The following TENM3 variants were observed in gnomAD, a reference collection of about 807,000 sequenced individuals.
The protein encoded by TENM3 is teneurin transmembrane protein 3, also known as teneurin-3.
A neutral mutation model predicts 255.1 loss-of-function variants in TENM3; 63 were observed. The observed-to-expected ratio is 0.25, with a 90% confidence interval of 0.20 to 0.30. The LOEUF (loss-of-function observed/expected upper bound fraction) is 0.30. Among genes scored for constraint, TENM3 ranks in the 10% least tolerant of loss-of-function variants. TENM3 has a pLI of 1.00. For synonymous variants in TENM3, 1,306 were observed against 1,322.3 expected (o/e 0.99, Z 0.27); for missense variants, 2,929 against 3,461.1 (o/e 0.85, Z 3.86).
intron 1 of TENM3, among the ~76,000 whole-genome samples, chr4:182,159,602 C>T (rs1445456964): frequency 6.6e-6 from 1 of 152,096 alleles, no homozygotes; most frequent in Non-Finnish European, 1.5e-5. Context: ...TGGCCTGTCA[C>T]CTAGAATCTT....
At chr4:181,699,698 T>C in the TENM3 span, among the ~76,000 whole-genome samples, 1 of 152,162 alleles carries the variant, frequency 6.6e-6, no homozygotes, top group Non-Finnish European at 1.5e-5. Context: ...TCATCTCATG[T>C]AGATGTGATT....
chr4:182,705,783 A>G (rs1184468256), intron 12 of TENM3, among the ~76,000 whole-genome samples: 10 of 152,086 alleles, frequency 6.6e-5, no homozygotes, highest in African/African-American at 2.4e-4. Flanking sequence ...CTCGTCCAAC[A>G]TTTGTACATC....
chr4:182,643,107 T>C (rs181680760), intron 5 of TENM3, among the ~76,000 whole-genome samples: 1 of 152,354 alleles, frequency 6.6e-6, no homozygotes, highest in African/African-American at 2.4e-5. Flanking sequence ...GATACTTTCA[T>C]TTTACATTGA....
the TENM3 span, among the ~76,000 whole-genome samples, chr4:181,843,059 C>A: frequency 6.6e-6 from 1 of 152,130 alleles, no homozygotes; most frequent in East Asian, 1.9e-4. Flanking sequence ...TTATTATATT[C>A]CCTGTTGTAT....
chr4:182,251,183 A>G (rs993734071), intron 1 of TENM3, among the ~76,000 whole-genome samples: 2 of 152,172 alleles, frequency 1.3e-5, no homozygotes, highest in African/African-American at 4.8e-5. Context: ...GAAAGTCATC[A>G]TGGGGGCTGG....
intron 3 of TENM3, among the ~76,000 whole-genome samples, chr4:182,530,349 T>C: frequency 6.6e-6 from 1 of 152,196 alleles, no homozygotes; most frequent in East Asian, 1.9e-4. Flanking sequence ...TTTCCCTGTT[T>C]GTAGTATTTC....
the TENM3 span, among the ~76,000 whole-genome samples, chr4:181,510,568 T>A: frequency 8.6e-5 from 13 of 152,010 alleles, no homozygotes; most frequent in Admixed American, 2.6e-4. Flanking sequence ...CACATTTTTT[T>A]TAAAAAAAGA....
intron 3 of TENM3, among the ~76,000 whole-genome samples, chr4:182,450,811 G>A (rs1025652847): frequency 3.3e-5 from 5 of 152,254 alleles, no homozygotes; most frequent in East Asian, 1.9e-4. Flanking sequence ...GTATAAGAGC[G>A]TTACCTTCCT....
the TENM3 span, among the ~76,000 whole-genome samples, chr4:181,595,169 G>A: frequency 5.3e-4 from 80 of 152,096 alleles, no homozygotes; most frequent in African/African-American, 1.6e-3. Flanking sequence ...GGTGGCTCAC[G>A]CCTGTAATCC....
the TENM3 span, among the ~76,000 whole-genome samples, chr4:181,916,797 A>T: frequency 6.6e-6 from 1 of 152,146 alleles, no homozygotes; most frequent in Non-Finnish European, 1.5e-5. Flanking sequence ...GAATCGTTTG[A>T]ACCTGGGAGG....
chr4:182,447,915 A>G (rs1028292215), intron 3 of TENM3, among the ~76,000 whole-genome samples: 1 of 152,212 alleles, frequency 6.6e-6, no homozygotes, highest in African/African-American at 2.4e-5. Context: ...ACTGGAAGCA[A>G]TGCAAAAATA....
intron 19 of TENM3, 146 bp downstream of exon 19, chr4:182,743,565 T>C (rs1343977076): frequency 2.2e-6 from 2 of 893,212 alleles, no homozygotes; most frequent in Non-Finnish European, 3.3e-6. Context: ...AATTCTTGCT[T>C]AAAGTTAAGA....
At chr4:181,702,195 A>G in the TENM3 span, among the ~76,000 whole-genome samples, 1 of 152,220 alleles carries the variant, frequency 6.6e-6, no homozygotes, top group Non-Finnish European at 1.5e-5. Context: ...GGCTATGGAC[A>G]ACGTTCTGAG....
intron 1 of TENM3, among the ~76,000 whole-genome samples, chr4:182,243,732 T>C (rs1450915137): frequency 6.6e-6 from 1 of 152,156 alleles, no homozygotes; most frequent in Non-Finnish European, 1.5e-5. Context: ...CTGTGAACTA[T>C]TCAGCACGTC....
chr4:182,149,504 A>G (rs1042613112), intron 1 of TENM3, among the ~76,000 whole-genome samples: 5 of 152,082 alleles, frequency 3.3e-5, no homozygotes, highest in African/African-American at 1.2e-4. Flanking sequence ...AATTAATGTC[A>G]GTATCATAGA....
the TENM3 span, among the ~76,000 whole-genome samples, chr4:181,844,642 T>C: frequency 6.6e-6 from 1 of 151,168 alleles, no homozygotes; most frequent in Non-Finnish European, 1.5e-5. Flanking sequence ...CACTCCAGCC[T>C]GGGCGACAGA....
chr4:182,680,539 A>C lies in TENM3; in HGVS notation c.1640-4A>C, dbSNP rs1406137138. 1.2e-6 allele frequency: 2 copies of C among 1,611,060 alleles called. No individual in the cohort carries two copies. The highest frequency in any genetic ancestry group is 3.4e-5 in the Admixed American group (2 of 59,116). ...TAATTCTTCTGTCGTGTCTTGTTTC[A>C]CAGCCGCCTGTCCAGTGTTATGTAG... On this transcript the variant is annotated splice_region_variant and splice_polypyrimidine_tract_variant and intron_variant, in intron 9 of 27. Transcript: ENST00000511685.
At chr4:182,078,497 G>A in the TENM3 span, among the ~76,000 whole-genome samples, 1 of 152,072 alleles carries the variant, frequency 6.6e-6, no homozygotes, top group Non-Finnish European at 1.5e-5. Flanking sequence ...ACTCCATCCT[G>A]GACAACAGAG....
chr4:182,116,026 C>G, the TENM3 span, among the ~76,000 whole-genome samples: 9 of 149,714 alleles, frequency 6.0e-5, no homozygotes, highest in Non-Finnish European at 1.2e-4. Flanking sequence ...ATCAATGAAC[C>G]TACATTGATG....
Sources: allele counts gnomAD v4.1 joint callset (sites outside exome capture counted in the v4.1 genomes callset), GRCh38; gene constraint gnomAD v4.1.1; transcripts MANE v1.5; gene names NCBI Gene and HGNC (gene_info 2026-07-23, HGNC 2026-07-21).